ZSCAN23: variants seen among roughly 807,000 people sequenced by gnomAD.
ZSCAN23 encodes zinc finger and SCAN domain-containing protein 23.
Under a neutral mutation model 19.3 loss-of-function variants are expected in ZSCAN23, and 19 were observed. That is an observed-to-expected ratio of 0.99 (90% CI 0.69 to 1.45). The LOEUF (loss-of-function observed/expected upper bound fraction) is 1.45, where lower values mean the gene tolerates loss of function less well. Among genes scored for constraint, ZSCAN23 ranks in the 40% most tolerant of loss-of-function variants. The probability of loss-of-function intolerance (pLI) is 0.00; values close to 1 mark genes in which losing one functional copy is unlikely to be tolerated. For synonymous variants in ZSCAN23, 140 were observed against 166.2 expected, an observed-to-expected ratio of 0.84 and a Z score of 1.21; for missense variants, 372 against 462.5, an observed-to-expected ratio of 0.80 and a Z score of 1.79.
chr6:28,440,977 T>TA (rs1213429452), intron 1 of ZSCAN23, among the ~76,000 whole-genome samples: 1 of 152,160 alleles, frequency 6.6e-6, no homozygotes, highest in African/African-American at 2.4e-5. Context: ...GTCACAAACA[T>TA]AGAGTTCCTA....
Position 28,435,498 on chromosome 6 carries a change from C to T in ZSCAN23, c.518G>A (p.Gly173Glu). The change falls in exon 3 of 4, where the codon GGG becomes GAG. Residue 173 changes from glycine to glutamate, a missense_variant. Coordinates refer to ENST00000289788, the MANE Select transcript of ZSCAN23 (RefSeq NM_001012455.2). ...TGGGCACACCTCTCGCAAATTATACCCAAGTTGCTCTTCCAAGGTTTGGAA... is the reference window on the plus strand; with the variant it reads ...TGGGCACACCTCTCGCAAATTATACTCAAGTTGCTCTTCCAAGGTTTGGAA... ...DQFQTLEEQL[G>E]YNLREVCPVQ... 3 of 1,551,908 alleles carry T rather than the reference C, an allele frequency of 1.9e-6. No individual in the cohort carries two copies. In the South Asian group the frequency reaches 3.6e-5, roughly 18 times the overall value.
At chr6:28,430,379 A>C (rs989682904), downstream of ZSCAN23, among the ~76,000 whole-genome samples, 5 of 152,130 alleles carry the variant, frequency 3.3e-5, no homozygotes, top group Non-Finnish European at 4.4e-5. Flanking sequence ...CAAACAAAAC[A>C]ACCAACCAAC....
chr6:28,436,950 C>T (rs1405107405), intron 1 of ZSCAN23, among the ~76,000 whole-genome samples: 1 of 152,142 alleles, frequency 6.6e-6, no homozygotes, highest in African/African-American at 2.4e-5. Flanking sequence ...TGTTTTGAGC[C>T]TTGGTCTCTT....
Position 28,434,225 on chromosome 6 carries a change from C to T in ZSCAN23, c.*240G>A. On this transcript the variant is annotated 3_prime_UTR_variant, in exon 4 of 4. Coordinates refer to ENST00000289788, the MANE Select transcript of ZSCAN23 (RefSeq NM_001012455.2). ...TTCCTGAAATAGAAAACTTCTTGCA[C>T]AGATGTGTGTGAAACTAGGTCTACA... 4.8e-6 allele frequency: 2 copies of T among 415,354 alleles called. No individual in the cohort carries two copies. The highest frequency in any genetic ancestry group is 8.4e-6 in the Non-Finnish European group (2 of 236,950). The allele number at this position is 415,354 out of a possible 1,614,324, so 25.7% of individuals were successfully genotyped here. A position where few individuals can be genotyped will look rare whatever the true frequency, so the allele number is the denominator to read the frequency against.
At chr6:28,426,454 C>T in the ZSCAN23 span, among the ~76,000 whole-genome samples, 1 of 152,178 alleles carries the variant, frequency 6.6e-6, no homozygotes, top group Non-Finnish European at 1.5e-5. Context: ...AGAGTCAGAA[C>T]ACACACCACA....
Position 28,435,043 on chromosome 6 carries a change from G to T in ZSCAN23, c.592C>A (p.Pro198Thr). Residue 198 changes from proline to threonine, a missense_variant, in exon 4 of 4, where the codon CCA becomes ACA. Coordinates refer to ENST00000289788, the MANE Select transcript of ZSCAN23 (RefSeq NM_001012455.2). ...ACTTCCTGAGAAATCTCCCTCTTTG[G>T]GGCTAACTCCACATTCCAAGTCCCA... ...KAGTWNVELA[P>T]KREISQEVKS... is the part of the protein sequence containing the mutation. 10 of 1,549,358 alleles carry T rather than the reference G, an allele frequency of 6.5e-6. No individual in the cohort carries two copies. Among genetic ancestry groups the T allele is most frequent in the Non-Finnish European group, 8.7e-6 (10 of 1,145,380 alleles).
chr6:28,435,047 T>A lies in ZSCAN23; in HGVS notation c.588A>T (p.Leu196Phe), dbSNP rs1329526382. Residue 196 changes from leucine to phenylalanine, a missense_variant, in exon 4 of 4, where the codon TTA becomes TTT. Leu to Phe is a conservative substitution (Grantham distance 22). Transcript: ENST00000289788. ...CCTGAGAAATCTCCCTCTTTGGGGC[T>A]AACTCCACATTCCAAGTCCCAGCCT... ...DGKAGTWNVE[L>F]APKREISQEV... 1 of 1,549,428 alleles carries A rather than the reference T, an allele frequency of 6.5e-7. No homozygotes were observed. Among genetic ancestry groups the A allele is most frequent in the Non-Finnish European group, 8.7e-7 (1 of 1,145,336 alleles).
chr6:28,434,538 C>T lies in ZSCAN23; in HGVS notation c.1097G>A (p.Cys366Tyr), dbSNP rs1260309471. The T allele has an allele frequency of 1.9e-6, 3 of 1,553,126 alleles. No homozygotes were observed. Among genetic ancestry groups the T allele is most frequent in the Non-Finnish European group, 1.7e-6 (2 of 1,147,744 alleles). ...TGERPYECEE[C>Y]GKNFIYHCNL... Reference sequence around the variant, plus strand: ...GCAATGGTAAATGAAGTTCTTGCCACATTCTTCACATTCATAAGGTCTCTC... The same window carrying T: ...GCAATGGTAAATGAAGTTCTTGCCATATTCTTCACATTCATAAGGTCTCTC... Residue 366 changes from cysteine (C) to tyrosine (Y), a missense_variant, in exon 4 of 4, where the codon TGT (cysteine) becomes TAT (tyrosine). Transcript: ENST00000289788.
chr6:28,426,500 G>A, the ZSCAN23 span, among the ~76,000 whole-genome samples: 2 of 152,150 alleles, frequency 1.3e-5, no homozygotes, highest in African/African-American at 2.4e-5. Context: ...TATGGGTGTG[G>A]TTAGCGGTGC....
chr6:28,432,413 C>A (rs914510664), downstream of ZSCAN23, among the ~76,000 whole-genome samples: 1 of 152,062 alleles, frequency 6.6e-6, no homozygotes, highest in Non-Finnish European at 1.5e-5. Context: ...TTTTATAATA[C>A]CCGCAATAAG....
downstream of ZSCAN23, among the ~76,000 whole-genome samples, chr6:28,429,772 A>G (rs1761722539): frequency 3.3e-5 from 5 of 152,184 alleles, no homozygotes; most frequent in South Asian, 1.0e-3. Flanking sequence ...AGCCCTGGAA[A>G]AGGGGGCAAC....
At position 28,433,771 on chromosome 6, in the gene ZSCAN23, T is replaced by C. The variant is rs1761810617; in HGVS notation, c.*694A>G. On this transcript the variant is annotated 3_prime_UTR_variant, in exon 4 of 4. Transcript: ENST00000289788. ...GTTACGGGAAAAATACAAAGAGGCC[T>C]GTATTTTCCAATAAGAAATCTGAGG... The C allele has an allele frequency of 6.6e-6, 1 of 152,190 alleles. No individual in the cohort carries two copies. The highest frequency in any genetic ancestry group is 6.5e-5 in the Admixed American group (1 of 15,272). 9.4% of individuals were successfully genotyped at this position (152,190 alleles called of 1,614,324 possible).
Position 28,436,149 on chromosome 6 carries a change from T to C in ZSCAN23, c.118A>G (p.Asn40Asp). 3.8e-6 allele frequency: 6 copies of C among 1,589,590 alleles called. No homozygotes were observed. The highest frequency in any genetic ancestry group is 5.1e-6 in the Non-Finnish European group (6 of 1,167,454). ...CGPESGLSRN[N>D]PHTREIFRRR... is the part of the protein sequence containing the mutation. ...CGAAAGATCTCTCTGGTATGAGGGTTATTTCTTGACAGGCCTGATTCTGGC... is the reference window on the plus strand; with the variant it reads ...CGAAAGATCTCTCTGGTATGAGGGTCATTTCTTGACAGGCCTGATTCTGGC... The change falls in exon 2 of 4, where the codon AAC becomes GAC. Residue 40 changes from asparagine (N) to aspartate (D), a missense_variant. Asn to Asp is a conservative substitution (Grantham distance 23, BLOSUM62 1). Coordinates refer to ENST00000289788, the MANE Select transcript of ZSCAN23 (RefSeq NM_001012455.2).
downstream of ZSCAN23, among the ~76,000 whole-genome samples, chr6:28,427,674 T>G (rs1345622092): frequency 1.3e-5 from 2 of 152,256 alleles, no homozygotes; most frequent in African/African-American, 4.8e-5. Context: ...GTCTGCTGTT[T>G]ACTGAAACAT....
At chr6:28,438,089 TTTTTTG>T (rs949382133) in intron 1 of ZSCAN23, among the ~76,000 whole-genome samples, 18 of 146,150 alleles carry the variant, frequency 1.2e-4, no homozygotes, top group Admixed American at 6.1e-4. Context: ...CTGTTTGTTG[TTTTTTG>T]TTTTTGTTTT....
At chr6:28,429,527 A>C (rs1338725960), downstream of ZSCAN23, among the ~76,000 whole-genome samples, 1 of 152,208 alleles carries the variant, frequency 6.6e-6, no homozygotes, top group Non-Finnish European at 1.5e-5. Flanking sequence ...TAGGATTCAG[A>C]AAACGTATAC....
chr6:28,442,629 C>T (rs1167642076), intron 1 of ZSCAN23, among the ~76,000 whole-genome samples: 2 of 152,242 alleles, frequency 1.3e-5, no homozygotes, highest in South Asian at 2.1e-4. Context: ...AGCGAAGTAA[C>T]TTCCCGGGTT....
chr6:28,422,261 G>A, the ZSCAN23 span, among the ~76,000 whole-genome samples: 1 of 151,868 alleles, frequency 6.6e-6, no homozygotes, highest in Non-Finnish European at 1.5e-5. This position sits in a 1 kb window ranked among gnomAD's most constrained non-coding sequence, Gnocchi z 4.0. Context: ...AGAGTTTATG[G>A]CTTTTAGTTG....
At chr6:28,428,976 G>A (rs1168647333), downstream of ZSCAN23, among the ~76,000 whole-genome samples, 2 of 152,060 alleles carry the variant, frequency 1.3e-5, no homozygotes, top group African/African-American at 2.4e-5. Flanking sequence ...CCCCACCTCT[G>A]CCACTCTTGT....
Sources: gnomAD v4.1 joint callset for allele counts (sites outside exome capture counted in the v4.1 genomes callset) on GRCh38, gnomAD v4.1.1 for gene constraint, Gnocchi (gnomAD v3.1) non-coding constraint, MANE v1.5 for transcripts, NCBI Gene and HGNC (gene_info 2026-07-23, HGNC 2026-07-21) for gene names.